The following RBM26 variants were observed in gnomAD, a reference collection of about 807,000 sequenced individuals.
The protein encoded by RBM26 is RNA binding motif protein 26, also known as RNA-binding protein 26.
RBM26 carries 30 observed loss-of-function variants against 123.6 expected under a neutral mutation model. The ratio of observed to expected loss-of-function variants is 0.24; its 90% confidence interval spans 0.18 to 0.33. The LOEUF is 0.33. Among genes scored for constraint, RBM26 ranks in the 10% least tolerant of loss-of-function variants. RBM26 has a pLI of 1.00. For synonymous variants in RBM26, 400 were observed against 404.4 expected (o/e 0.99, Z 0.13); for missense variants, 947 against 1,203.6 (o/e 0.79, Z 3.15).
chr13:79,377,148 G>T (rs1427090436), intron 3 of RBM26: 1 of 397,784 alleles, frequency 2.5e-6, no homozygotes, highest in East Asian at 3.9e-5. Flanking sequence ...CACTGGACTT[G>T]GCCTCATACA....
chr13:79,382,529 T>C (rs1432944096), intron 1 of RBM26, among the ~76,000 whole-genome samples: 4 of 152,158 alleles, frequency 2.6e-5, no homozygotes, highest in Non-Finnish European at 5.9e-5. Flanking sequence ...GTGCTCCAAC[T>C]GCAATTACTC....
chr13:79,391,833 G>C (rs2078023555), intron 1 of RBM26, among the ~76,000 whole-genome samples: 1 of 151,556 alleles, frequency 6.6e-6, no homozygotes, highest in Non-Finnish European at 1.5e-5. Flanking sequence ...TACATGAAAA[G>C]CTCCTACAAA....
intron 1 of RBM26, among the ~76,000 whole-genome samples, chr13:79,397,281 G>C (rs1205906622): frequency 6.6e-6 from 1 of 152,118 alleles, no homozygotes; most frequent in Non-Finnish European, 1.5e-5. Flanking sequence ...TCTGGTAAAA[G>C]GCAGTTACTA....
chr13:79,377,243 A>G (rs1282974167), intron 3 of RBM26, 136 bp downstream of exon 3: 2 of 667,328 alleles, frequency 3.0e-6, no homozygotes, highest in Admixed American at 2.8e-5. Flanking sequence ...GAGTCCTATG[A>G]GTCCTCCTAG....
At chr13:79,324,584 G>A (rs960970838) in intron 20 of RBM26, among the ~76,000 whole-genome samples, 1 of 151,590 alleles carries the variant, frequency 6.6e-6, no homozygotes, top group African/African-American at 2.4e-5. Flanking sequence ...GAAAGGGGTT[G>A]TTGTTGTTCT....
At chr13:79,403,830 A>T (rs1043916253) in intron 1 of RBM26, among the ~76,000 whole-genome samples, 5 of 152,192 alleles carry the variant, frequency 3.3e-5, no homozygotes, top group Admixed American at 3.3e-4. Context: ...CTATTTTGCT[A>T]AGGTTACCAA....
At chr13:79,397,207 T>C (rs1432633618) in intron 1 of RBM26, among the ~76,000 whole-genome samples, 1 of 151,930 alleles carries the variant, frequency 6.6e-6, no homozygotes, top group African/African-American at 2.4e-5. Flanking sequence ...AATAAGAAGT[T>C]AGCCAAGTTA....
At chr13:79,335,455 A>G (rs1229105348) in intron 19 of RBM26, among the ~76,000 whole-genome samples, 1 of 152,154 alleles carries the variant, frequency 6.6e-6, no homozygotes, top group Non-Finnish European at 1.5e-5. Flanking sequence ...TACTATTACT[A>G]CTGGTACTGG....
intron 20 of RBM26, among the ~76,000 whole-genome samples, chr13:79,333,220 A>C (rs1357677623): frequency 3.9e-5 from 6 of 152,202 alleles, no homozygotes; most frequent in African/African-American, 1.2e-4. Flanking sequence ...ATTACTTTTT[A>C]CTTTCACAAA....
At chr13:79,379,323 C>T (rs1422155435) in intron 1 of RBM26, among the ~76,000 whole-genome samples, 1 of 144,244 alleles carries the variant, frequency 6.9e-6, no homozygotes, top group Admixed American at 7.3e-5. Flanking sequence ...CGCTTGAGCC[C>T]AGGAGTTCAA....
chr13:79,317,935 A>T (rs570654832), downstream of RBM26, among the ~76,000 whole-genome samples: 17 of 151,814 alleles, frequency 1.1e-4, no homozygotes, highest in African/African-American at 3.6e-4. Context: ...TTGAGTGCCC[A>T]CTATAAGCCT....
intron 9 of RBM26, among the ~76,000 whole-genome samples, chr13:79,360,636 T>C (rs564406772): frequency 2.6e-5 from 4 of 152,274 alleles, no homozygotes; most frequent in Admixed American, 6.5e-5. Context: ...GTTAGAGTTA[T>C]GATTGAAGTG....
chr13:79,353,768 GGACA>G (rs1019072327), intron 13 of RBM26, among the ~76,000 whole-genome samples: 32 of 152,196 alleles, frequency 2.1e-4, no homozygotes, highest in African/African-American at 7.7e-4. Flanking sequence ...TAGCTAAGTA[GGACA>G]CTACATCCTA....
At chr13:79,387,883 C>A (rs1261434893) in intron 1 of RBM26, among the ~76,000 whole-genome samples, 5 of 152,148 alleles carry the variant, frequency 3.3e-5, no homozygotes, top group Non-Finnish European at 7.4e-5. Context: ...TATATAATTT[C>A]TGTACATTGT....
chr13:79,376,451 A>C (rs973577953), intron 3 of RBM26: 1 of 152,268 alleles, frequency 6.6e-6, no homozygotes, highest in Non-Finnish European at 1.5e-5. Context: ...CTCCTGCCTC[A>C]GCCTCCCAGA....
chr13:79,375,074 T>TG (rs2076525685), intron 3 of RBM26, among the ~76,000 whole-genome samples: 7 of 118,006 alleles, frequency 5.9e-5, no homozygotes, highest in East Asian at 2.2e-4. Flanking sequence ...TATATATTTA[T>TG]ATGATATATA....
At chr13:79,379,915 T>C (rs1019635466) in intron 1 of RBM26, among the ~76,000 whole-genome samples, 2 of 152,062 alleles carry the variant, frequency 1.3e-5, no homozygotes, top group Non-Finnish European at 2.9e-5. Context: ...ATAAGAGAAA[T>C]ACAAATTTAA....
chr13:79,344,461 A>C (rs187751973), intron 15 of RBM26, 139 bp from the exon 16 acceptor site: 1 of 836,002 alleles, frequency 1.2e-6, no homozygotes, highest in East Asian at 2.5e-5. Flanking sequence ...AACTTAAAAT[A>C]TGTATGCAAG....
intron 21 of RBM26, 136 bp downstream of exon 21, chr13:79,322,212 AT>A (rs2067758119): frequency 6.2e-6 from 3 of 482,826 alleles, no homozygotes; most frequent in Non-Finnish European, 7.2e-6. Flanking sequence ...AGTTGTTTGC[AT>A]TTATCTGATA....
Sources: allele counts gnomAD v4.1 joint callset (sites outside exome capture counted in the v4.1 genomes callset), GRCh38; gene constraint gnomAD v4.1.1; transcripts MANE v1.5; gene names NCBI Gene and HGNC (gene_info 2026-07-23, HGNC 2026-07-21).